The following LARP1 variants were observed in gnomAD, a reference collection of about 807,000 sequenced individuals.
LARP1 encodes the protein La ribonucleoprotein 1, translational regulator.
Under a neutral mutation model 122.7 loss-of-function variants are expected in LARP1, and 36 were observed. That is an observed-to-expected ratio of 0.29 (90% CI 0.22 to 0.39). The LOEUF (loss-of-function observed/expected upper bound fraction) is 0.39. Ranked by LOEUF, LARP1 falls within the 10% of genes least tolerant of loss-of-function variation. The pLI is 1.00. For missense variants in LARP1, 1,040 were observed against 1,403.6 expected, an observed-to-expected ratio of 0.74 and a Z score of 4.14; for synonymous variants, 539 against 528.7, an observed-to-expected ratio of 1.02 and a Z score of -0.27.
chr5:154,709,762 G>A (rs1454501203), upstream of LARP1, among the ~76,000 whole-genome samples: 3 of 152,054 alleles, frequency 2.0e-5, no homozygotes, highest in Non-Finnish European at 4.4e-5. Context: ...ATAAGTGTCA[G>A]ATGCTGACCT....
At chr5:154,709,237 A>C (rs1409648634), upstream of LARP1, among the ~76,000 whole-genome samples, 1 of 152,232 alleles carries the variant, frequency 6.6e-6, no homozygotes, top group Non-Finnish European at 1.5e-5. Flanking sequence ...TTAGCCACTA[A>C]GAATGATGCT....
chr5:154,703,780 C>A (rs1422973378), intron 1 of LARP1, among the ~76,000 whole-genome samples: 1 of 151,982 alleles, frequency 6.6e-6, no homozygotes, highest in Non-Finnish European at 1.5e-5. Flanking sequence ...ACCACCATGC[C>A]CAGCTAATTT....
chr5:154,769,642 T>G lies in LARP1; in HGVS notation c.436+13449T>G, dbSNP rs76098191. On this transcript the variant is annotated intron_variant, in intron 1 of 18. Coordinates refer to ENST00000518297, the MANE Select transcript of LARP1 (RefSeq NM_033551.3). Reference sequence around the variant, plus strand: ...GATGGGCTTGCCAGGTGAAACTGAGTTATGTTAGGCCCCAGTGAGACTTTG... The same window carrying G: ...GATGGGCTTGCCAGGTGAAACTGAGGTATGTTAGGCCCCAGTGAGACTTTG... Among the ~76,000 whole-genome samples the G allele has an allele frequency of 3.3e-3, 510 of 152,266 alleles. 5 individuals carry two copies. Among genetic ancestry groups the G allele is most frequent in the African/African-American group, 0.012 (499 of 41,546 alleles).
rs373899431 is a variant in LARP1, at chr5:154,799,862, C to A, written c.1547-11C>A. ...CTGGAGGGATGAGGACTTCCCCTTT[C>A]CACCCTTTAGAGTCGGCACCTGGCT... On this transcript the variant is annotated splice_polypyrimidine_tract_variant and intron_variant, in intron 9 of 18. Transcript: ENST00000518297. 1.6e-5 allele frequency: 25 copies of A among 1,612,866 alleles called. No individual in the cohort carries two copies. Among genetic ancestry groups the A allele is most frequent in the Admixed American group, 5.0e-5 (3 of 59,936 alleles).
upstream of LARP1, among the ~76,000 whole-genome samples, chr5:154,710,381 G>T (rs181234297): frequency 1.3e-5 from 2 of 152,224 alleles, no homozygotes; most frequent in Admixed American, 6.5e-5. Context: ...GAAGGCCGAG[G>T]TGGGAGGATT....
At chr5:154,689,028 A>G (rs1754066646) in intron 1 of LARP1, among the ~76,000 whole-genome samples, 1 of 152,250 alleles carries the variant, frequency 6.6e-6, no homozygotes, top group African/African-American at 2.4e-5. Flanking sequence ...GTTTTGAGAA[A>G]ACATTTTGCG....
At chr5:154,738,139 C>T (rs1757016401) in intron 1 of LARP1, among the ~76,000 whole-genome samples, 2 of 152,192 alleles carry the variant, frequency 1.3e-5, no homozygotes, top group Non-Finnish European at 2.9e-5. Context: ...GTAGGTAAAC[C>T]ATGCGTGTGT....
At chr5:154,689,451 A>AAAAAAAT (rs1193357126) in intron 1 of LARP1, among the ~76,000 whole-genome samples, 3 of 151,884 alleles carry the variant, frequency 2.0e-5, no homozygotes, top group South Asian at 2.1e-4. Flanking sequence ...ACTCTGTCTC[A>AAAAAAAT]AAAAAATAAA....
chr5:154,738,827 TG>T (rs1349108204), intron 1 of LARP1, among the ~76,000 whole-genome samples: 5 of 151,854 alleles, frequency 3.3e-5, no homozygotes, highest in African/African-American at 1.2e-4. Flanking sequence ...GACGCTGAGG[TG>T]GGAGGATTTC....
intron 1 of LARP1, among the ~76,000 whole-genome samples, chr5:154,720,570 G>C (rs1433315951): frequency 1.3e-5 from 2 of 152,142 alleles, no homozygotes; most frequent in Non-Finnish European, 2.9e-5. Context: ...AAATTAGCCA[G>C]GTGTGGTGGC....
chr5:154,728,714 G>A lies in LARP1; in HGVS notation c.205+15584G>A, dbSNP rs941780382. Among the ~76,000 whole-genome samples the A allele has an allele frequency of 4.3e-5, 5 of 115,048 alleles. No homozygotes were observed. The Admixed American group carries it at 4.7e-4, about 11-fold the overall frequency. The allele number at this position is 115,048 out of a possible 152,430, so 75.5% of individuals were successfully genotyped here. ...AATTATAATAGAGGATTAGAGTAAC[G>A]GGATTGACTAATAAGAAGGAAAGAG... is the stretch of plus-strand genomic sequence containing the variant. On this transcript the variant is annotated intron_variant, in intron 1 of 18. Transcript: ENST00000336314.
At chr5:154,808,166 G>A (rs138929009) in intron 15 of LARP1, among the ~76,000 whole-genome samples, 10 of 152,218 alleles carry the variant, frequency 6.6e-5, no homozygotes, top group South Asian at 2.1e-4. Flanking sequence ...GTCTTGTCTC[G>A]ACGGCACTTG....
At position 154,792,725 on chromosome 5, in the gene LARP1, C is replaced by G; in HGVS notation, c.668C>G (p.Thr223Ser). 1.2e-6 allele frequency: 2 copies of G among 1,614,136 alleles called. No individual in the cohort carries two copies. The highest frequency in any genetic ancestry group is 1.7e-6 in the Non-Finnish European group (2 of 1,180,040). Residue 223 changes from threonine to serine, a missense_variant, in exon 4 of 19, where the codon ACC becomes AGC. By Grantham distance (58) the Thr-to-Ser change is moderately conservative (BLOSUM62 1). This residue lies in a region of LARP1 where 257 missense variants were observed against 273.3 expected (regional missense o/e 0.94). Coordinates refer to ENST00000518297, the MANE Select transcript of LARP1 (RefSeq NM_033551.3). The part of the protein sequence containing the change: ...EGSDSKESPK[T>S]KSDESGEEKN... ...AGTGATAGTAAGGAGAGTCCAAAAA[C>G]CAAATCAGATGAATCAGGGGAGGAA... is the stretch of plus-strand genomic sequence containing the variant.
intron 1 of LARP1, among the ~76,000 whole-genome samples, chr5:154,723,819 A>G (rs940234383): frequency 3.3e-5 from 5 of 152,144 alleles, no homozygotes; most frequent in Admixed American, 2.6e-4. Flanking sequence ...ACTCTGCCAT[A>G]TGGACTTGTT....
rs1357789987 is a variant in LARP1 at position 154,796,954 on chromosome 5, A to G, written c.1377+1635A>G. Among the ~76,000 whole-genome samples, 3 of 152,110 alleles carry G rather than the reference A, an allele frequency of 2.0e-5. No individual in the cohort carries two copies. The Middle Eastern group carries it at 0.01, about 517-fold the overall frequency. The stretch of plus-strand genomic sequence containing the variant: ...ATTATAAGCTTATGGGCTCAAACGT[A>G]TTTATTTTGGTCCATTGCAGTTAAT... On this transcript the variant is annotated intron_variant, in intron 8 of 18. Transcript: ENST00000518297.
exon 1 of LARP1, chr5:154,712,935 A>T (rs1246918935): frequency 2.5e-6 from 4 of 1,614,076 alleles, no homozygotes; most frequent in South Asian, 1.1e-5. Context: ...CATGCTTTGG[A>T]GGGTGCTTTT....
chr5:154,788,477 G>A (rs1757063867), intron 1 of LARP1, among the ~76,000 whole-genome samples: 1 of 152,172 alleles, frequency 6.6e-6, no homozygotes, highest in African/African-American at 2.4e-5. Context: ...ACATGGGTCT[G>A]ATCAAGGAGT....
intron 1 of LARP1, among the ~76,000 whole-genome samples, chr5:154,777,851 TATATA>T (rs1662257022): frequency 1.3e-5 from 2 of 152,276 alleles, no homozygotes; most frequent in Non-Finnish European, 2.9e-5. Flanking sequence ...TAAAAAAATA[TATATA>T]ATAAAGTGGC....
intron 1 of LARP1, among the ~76,000 whole-genome samples, chr5:154,757,709 C>CT (rs909344566): frequency 2.0e-5 from 3 of 152,050 alleles, no homozygotes; most frequent in African/African-American, 7.2e-5. Flanking sequence ...ATTTTTATTT[C>CT]TTTTCAGGTT....
Sources: gnomAD v4.1 joint callset for allele counts (sites outside exome capture counted in the v4.1 genomes callset) on GRCh38, gnomAD v4.1.1 for gene constraint, gnomAD v4.1.1 regional missense constraint, MANE v1.5 for transcripts, NCBI Gene and HGNC (gene_info 2026-07-23, HGNC 2026-07-21) for gene names.